NT5DC3: variants seen among roughly 807,000 people sequenced by gnomAD.
The protein encoded by NT5DC3 is 5'-nucleotidase domain containing 3.
NT5DC3 carries 42 observed loss-of-function variants against 67.8 expected under a neutral mutation model. That is an observed-to-expected ratio of 0.62 (90% CI 0.48 to 0.80). NT5DC3 has a LOEUF of 0.80. NT5DC3 is among the 30% of genes least tolerant of loss of function. NT5DC3 has a pLI of 0.00. For missense variants in NT5DC3, 570 were observed against 696.4 expected (o/e 0.82, Z 2.04); for synonymous variants, 237 against 255.6 (o/e 0.93, Z 0.69).
intron 4 of NT5DC3, among the ~76,000 whole-genome samples, chr12:103,803,698 T>C (rs1886676502): frequency 6.6e-6 from 1 of 152,182 alleles, no homozygotes; most frequent in Non-Finnish European, 1.5e-5. Context: ...CCCCATCATT[T>C]AGCTTCCACT....
chr12:103,763,692 T>TG, the NT5DC3 span: 2 of 1,247,916 alleles, frequency 1.6e-6, no homozygotes, highest in Non-Finnish European at 2.3e-6. Flanking sequence ...TGGAGATCTT[T>TG]GTACCAAAGA....
chr12:103,833,863 AAGAAGAC>A (rs1409571062), intron 1 of NT5DC3, among the ~76,000 whole-genome samples: 2 of 152,222 alleles, frequency 1.3e-5, no homozygotes, highest in African/African-American at 2.4e-5. Flanking sequence ...CTTGAGTTCA[AAGAAGAC>A]ACACGCAACA....
intron 2 of NT5DC3, among the ~76,000 whole-genome samples, chr12:103,808,379 G>A (rs1593415323): frequency 6.6e-6 from 1 of 152,176 alleles, no homozygotes; most frequent in South Asian, 2.1e-4. Context: ...ACATCACTAG[G>A]ACCTTCCAAC....
Position 103,793,449 on chromosome 12 carries a change from T to G in NT5DC3, c.878A>C (p.Lys293Thr). 6 of 1,614,252 alleles carry G rather than the reference T, an allele frequency of 3.7e-6. No individual in the cohort carries two copies. The highest frequency in any genetic ancestry group is 5.1e-6 in the Non-Finnish European group (6 of 1,180,044). Reference protein sequence around the residue: ...AVLAKLADHGKKMFLITNSPS... With the variant: ...AVLAKLADHGTKMFLITNSPS... ...GCTATTGGTGATGAGAAACATCTTC[T>G]TGCCATGATCAGCCAGTTTGGCCAA... The change falls in exon 8 of 14, where the codon AAG (lysine) becomes ACG (threonine). Residue 293 changes from lysine to threonine, a missense_variant. Transcript: ENST00000392876.
chr12:103,752,590 T>A, the NT5DC3 span, among the ~76,000 whole-genome samples: 8 of 152,182 alleles, frequency 5.3e-5, no homozygotes, highest in South Asian at 2.1e-4. Context: ...AAAACTTTTT[T>A]AAAAAGCACA....
At chr12:103,753,234 G>C in the NT5DC3 span, 1 of 1,614,176 alleles carries the variant, frequency 6.2e-7, no homozygotes, top group Non-Finnish European at 8.5e-7. Context: ...CACTGTTGGG[G>C]TGTTCCATCT....
chr12:103,838,623 C>A (rs1047233155), intron 1 of NT5DC3, among the ~76,000 whole-genome samples: 3 of 152,182 alleles, frequency 2.0e-5, no homozygotes, highest in Non-Finnish European at 4.4e-5. Flanking sequence ...AAAACCTGTA[C>A]ACAAATGTCT....
In NT5DC3 at chr12:103,778,400, G is replaced by A. The variant is rs181975808; in HGVS notation, c.1395-319C>T. ...ACAAAAATTGGCCAGGCGTGGTGGC[G>A]CACACCTGTAATCCCAGCTACACAG... is the stretch of plus-strand genomic sequence containing the variant. On this transcript the variant is annotated intron_variant, in intron 13 of 13. Transcript: ENST00000392876. 1.2e-3 allele frequency among the ~76,000 whole-genome samples: 181 copies of A among 152,054 alleles called. 1 individual carries two copies. The highest frequency in any genetic ancestry group is 3.5e-3 in the African/African-American group (145 of 41,446).
At chr12:103,835,202 A>G (rs574832492) in intron 1 of NT5DC3, among the ~76,000 whole-genome samples, 1 of 152,340 alleles carries the variant, frequency 6.6e-6, no homozygotes, top group East Asian at 1.9e-4. Flanking sequence ...CTGGGTGCTT[A>G]ATAAATGCTT....
intron 4 of NT5DC3, among the ~76,000 whole-genome samples, chr12:103,803,910 T>TA (rs1886691676): frequency 6.7e-6 from 1 of 149,148 alleles, no homozygotes; most frequent in Non-Finnish European, 1.5e-5. Context: ...CCTTGTACCT[T>TA]AAGAAAGGCC....
chr12:103,755,142 A>G, the NT5DC3 span: 1 of 949,272 alleles, frequency 1.1e-6, no homozygotes, highest in Admixed American at 2.3e-5. Flanking sequence ...CAATCAGTCA[A>G]CATCTAATGA....
At chr12:103,786,683 T>C (rs1206643682) in intron 11 of NT5DC3, among the ~76,000 whole-genome samples, 1 of 145,160 alleles carries the variant, frequency 6.9e-6, no homozygotes, top group African/African-American at 2.5e-5. Flanking sequence ...CTGGTTTGAT[T>C]TTTTTTTTTT....
chr12:103,841,076 G>A lies in NT5DC3; in HGVS notation c.81C>T (p.Cys27=). 2.4e-6 allele frequency: 3 copies of A among 1,265,110 alleles called. No homozygotes were observed. Among genetic ancestry groups the A allele is most frequent in the Non-Finnish European group, 2.0e-6 (2 of 1,004,494 alleles). 78.4% of individuals were successfully genotyped at this position (1,265,110 alleles called of 1,614,324 possible). ...ACGGCCGCCCCCGAGCCGCGGTCCC[G>A]CAGCCACCCCGCAAAGCCGCCGCTG... ...AATAAALRGG[C]GTAARGRPCA... is the part of the protein sequence containing the mutation. The change falls in exon 1 of 14, where the codon TGC becomes TGT. Residue 27 remains cysteine (C), a synonymous_variant. Coordinates refer to ENST00000392876, the MANE Select transcript of NT5DC3 (RefSeq NM_001031701.3).
At chr12:103,823,735 A>C (rs1164643746) in intron 1 of NT5DC3, among the ~76,000 whole-genome samples, 1 of 152,230 alleles carries the variant, frequency 6.6e-6, no homozygotes, top group Non-Finnish European at 1.5e-5. Context: ...ATACCTATGG[A>C]TTGGAAATGT....
At chr12:103,794,201 G>T (rs1252195041) in intron 6 of NT5DC3, among the ~76,000 whole-genome samples, 1 of 66,090 alleles carries the variant, frequency 1.5e-5, no homozygotes, top group Non-Finnish European at 3.1e-5. Context: ...CCAGGCTGAA[G>T]TGCAGTGGTC....
At chr12:103,823,959 C>CA (rs1887589483) in intron 1 of NT5DC3, among the ~76,000 whole-genome samples, 3 of 152,192 alleles carry the variant, frequency 2.0e-5, no homozygotes, top group Non-Finnish European at 4.4e-5. Context: ...TCCTTCTGCC[C>CA]AGTCAGGCTA....
chr12:103,777,887 C>T lies in NT5DC3; in HGVS notation c.1589G>A (p.Trp530Ter). Residue 530 changes from tryptophan (W) to a stop codon, truncating the protein, a stop_gained, in exon 14 of 14, where the codon TGG (tryptophan) becomes TAG (stop). Transcript: ENST00000392876. LOFTEE classifies it high-confidence loss of function. ...TCCGAAGGTGGGGGGCCTTTCTGAC[C>T]AGGCGGGCAGTTCGTGCTGCAGTGG... The part of the protein sequence containing the change: ...RTPLQHELPA[W>*]SERPPTFGTP... 1 of 1,614,188 alleles carries T rather than the reference C, an allele frequency of 6.2e-7. No individual in the cohort carries two copies. Among genetic ancestry groups the T allele is most frequent in the Non-Finnish European group, 8.5e-7 (1 of 1,180,024 alleles).
At chr12:103,779,733 TA>T (rs1431689978) in intron 13 of NT5DC3, among the ~76,000 whole-genome samples, 7 of 152,138 alleles carry the variant, frequency 4.6e-5, no homozygotes, top group Non-Finnish European at 1.0e-4. Context: ...ATGCAAGTGG[TA>T]TAAAGCATCC....
chr12:103,751,450 A>C, the NT5DC3 span, among the ~76,000 whole-genome samples: 1 of 152,178 alleles, frequency 6.6e-6, no homozygotes, highest in African/African-American at 2.4e-5. Context: ...CCATGACATA[A>C]AGTTTCCATC....
Sources: allele counts gnomAD v4.1 joint callset (sites outside exome capture counted in the v4.1 genomes callset), GRCh38; gene constraint gnomAD v4.1.1; transcripts MANE v1.5; gene names NCBI Gene and HGNC (gene_info 2026-07-23, HGNC 2026-07-21).